The following SDK2 variants were observed in gnomAD, a reference collection of about 807,000 sequenced individuals.
SDK2 encodes sidekick cell adhesion molecule 2.
In SDK2, 105 loss-of-function variants were observed where a neutral mutation model predicts 253.9. The ratio of observed to expected loss-of-function variants is 0.41; its 90% CI spans 0.35 to 0.49. SDK2 has a LOEUF of 0.49. SDK2 is among the 20% of genes least tolerant of loss of function. The probability of loss-of-function intolerance (pLI) is 0.06; values close to 1 mark genes in which losing one functional copy is unlikely to be tolerated. For synonymous variants in SDK2, 1,249 were observed against 1,234.9 expected (o/e 1.01, Z -0.24); for missense variants, 2,608 against 3,003.0 (o/e 0.87, Z 3.07).
Position 73,414,686 on chromosome 17 carries a change from G to A in SDK2, c.2442C>T (p.Ala814=), listed in dbSNP as rs200296942. 19 of 1,613,980 alleles carry A rather than the reference G, an allele frequency of 1.2e-5. No individual in the cohort carries two copies. Among genetic ancestry groups the A allele is most frequent in the Admixed American group, 1.7e-5 (1 of 60,014 alleles). The change falls in exon 18 of 45, where the codon GCC becomes GCT. Residue 814 remains alanine (A), a synonymous_variant. Transcript: ENST00000392650. ...NSTTIRFTWN[A]PSPQFINGIN... ...TGCCGTTGATGAACTGGGGGCTGGGGGCGTTCCAGGTGAAGCGGATGGTCG... is the reference window on the plus strand; with the variant it reads ...TGCCGTTGATGAACTGGGGGCTGGGAGCGTTCCAGGTGAAGCGGATGGTCG...
intron 24 of SDK2, among the ~76,000 whole-genome samples, chr17:73,396,849 T>C (rs993007289): frequency 6.6e-6 from 1 of 152,182 alleles, no homozygotes; most frequent in African/African-American, 2.4e-5. Context: ...GAGGTGGGTA[T>C]AGTCACACTG....
chr17:73,398,745 C>T (rs1160217157), intron 22 of SDK2, among the ~76,000 whole-genome samples: 1 of 152,194 alleles, frequency 6.6e-6, no homozygotes, highest in Non-Finnish European at 1.5e-5. Context: ...TTTTAACAAG[C>T]AGCCCAGGTG....
At chr17:73,367,961 G>A (rs1394664094) in intron 37 of SDK2, among the ~76,000 whole-genome samples, 3 of 152,134 alleles carry the variant, frequency 2.0e-5, no homozygotes, top group East Asian at 3.9e-4. Flanking sequence ...TCTGTCCCCC[G>A]CACTAGGGTG....
intron 32 of SDK2, among the ~76,000 whole-genome samples, chr17:73,385,592 G>A (rs1005116525): frequency 6.6e-6 from 1 of 152,206 alleles, no homozygotes; most frequent in Non-Finnish European, 1.5e-5. Context: ...CTGCAGAAGA[G>A]GATGACAGCA....
At chr17:73,547,004 G>C (rs2044976357) in intron 1 of SDK2, among the ~76,000 whole-genome samples, 2 of 152,316 alleles carry the variant, frequency 1.3e-5, no homozygotes, top group South Asian at 4.1e-4. Context: ...CTTGACTCTG[G>C]AGCCAGGCAC....
chr17:73,640,268 G>T (rs984729094), intron 1 of SDK2, among the ~76,000 whole-genome samples: 52 of 151,712 alleles, frequency 3.4e-4, no homozygotes, highest in African/African-American at 1.2e-3. Flanking sequence ...GTGTGTGTGT[G>T]GGGGGGTCGA....
intron 1 of SDK2, among the ~76,000 whole-genome samples, chr17:73,564,835 A>C (rs1321966853): frequency 1.0e-5 from 1 of 97,710 alleles, no homozygotes; most frequent in African/African-American, 4.4e-5. Flanking sequence ...AAAAAAAAAC[A>C]AAAAACAAAA....
At chr17:73,374,159 ACTT>A (rs892021885) in intron 36 of SDK2, among the ~76,000 whole-genome samples, 4 of 144,278 alleles carry the variant, frequency 2.8e-5, no homozygotes, top group Non-Finnish European at 5.9e-5. Flanking sequence ...CAATTTGTAG[ACTT>A]CTTTTGTTCT....
chr17:73,591,230 A>G (rs1193343454), intron 1 of SDK2, among the ~76,000 whole-genome samples: 1 of 152,072 alleles, frequency 6.6e-6, no homozygotes, highest in Non-Finnish European at 1.5e-5. Context: ...AACTGTTTCT[A>G]TATGTAAGGC....
chr17:73,562,592 G>C (rs1042952882), intron 1 of SDK2, among the ~76,000 whole-genome samples: 1 of 152,132 alleles, frequency 6.6e-6, no homozygotes, highest in African/African-American at 2.4e-5. Context: ...AGGCGTGGGA[G>C]GGGGTTGGGA....
chr17:73,390,294 C>G lies in SDK2; in HGVS notation c.4185G>C (p.Glu1395Asp). Residue 1395 changes from glutamate to aspartate, a missense_variant, in exon 29 of 45, where the codon GAG (glutamate) becomes GAC (aspartate). Physicochemically the swap from Glu to Asp is conservative, Grantham distance 45. Around this residue, in one of 2 missense-constraint regions of SDK2, gnomAD observed 1,103 missense variants for 1,143.9 expected, o/e 0.96. Coordinates refer to ENST00000392650, the MANE Select transcript of SDK2 (RefSeq NM_001144952.2). ...EAAEALVVTT[E>D]KRDRPQPPSR... Reference sequence around the variant, plus strand: ...GCCCCCGTGGGCAGTCACCTCTCTTCTCGGTGGTCACCACCAAGGCCTCGG... The same window carrying G: ...GCCCCCGTGGGCAGTCACCTCTCTTGTCGGTGGTCACCACCAAGGCCTCGG... 1 of 1,582,162 alleles carries G rather than the reference C, an allele frequency of 6.3e-7. No individual in the cohort carries two copies. The highest frequency in any genetic ancestry group is 8.6e-7 in the Non-Finnish European group (1 of 1,167,890).
chr17:73,549,756 G>T (rs2045025241), intron 1 of SDK2, among the ~76,000 whole-genome samples: 1 of 152,180 alleles, frequency 6.6e-6, no homozygotes, highest in Admixed American at 6.5e-5. Context: ...GGGATGGGGG[G>T]CAGAGACAAG....
intron 1 of SDK2, among the ~76,000 whole-genome samples, chr17:73,626,700 A>G (rs1439609027): frequency 6.6e-6 from 1 of 152,214 alleles, no homozygotes; most frequent in Non-Finnish European, 1.5e-5. Flanking sequence ...TCTGGGATGG[A>G]GGCAGGACAG....
intron 16 of SDK2, among the ~76,000 whole-genome samples, chr17:73,418,301 C>T (rs898978894): frequency 4.6e-5 from 7 of 152,190 alleles, no homozygotes; most frequent in Admixed American, 2.0e-4. Flanking sequence ...ACACCACGCC[C>T]GGCCTGAAAG....
In SDK2 at chr17:73,455,850, A is replaced by G; in HGVS notation, c.479+56T>C. 6.7e-7 allele frequency: 1 copy of G among 1,491,986 alleles called. No homozygotes were observed. The highest frequency in any genetic ancestry group is 1.3e-5 in the South Asian group (1 of 78,750). 92.4% of individuals were successfully genotyped at this position (1,491,986 alleles called of 1,614,324 possible). ...TCAAGGGAGACTTTATCTGGCCCCA[A>G]ACCTCCTCCCCCAGACACCCCTCCC... On this transcript the variant is annotated intron_variant, in intron 4 of 44. Transcript: ENST00000392650. This position sits in a 1 kb window ranked among gnomAD's most constrained non-coding sequence, Gnocchi z 5.0.
Position 73,386,487 on chromosome 17 carries a change from C to T in SDK2, c.4456G>A (p.Glu1486Lys), listed in dbSNP as rs776770822. 1.7e-5 allele frequency: 26 copies of T among 1,562,184 alleles called. No individual in the cohort carries two copies. The East Asian group carries it at 1.9e-4, about 12-fold the overall frequency. ...VKATNDIGDS[E>K]FSEESESLTT... ...AGTGACTCCGACTCCTCGCTGAACTCGCTGTCGCCAATGTCATTGGTCGCC... is the reference window on the plus strand; with the variant it reads ...AGTGACTCCGACTCCTCGCTGAACTTGCTGTCGCCAATGTCATTGGTCGCC... Residue 1486 changes from glutamate (E) to lysine (K), a missense_variant, in exon 31 of 45, where the codon GAG (glutamate) becomes AAG (lysine). By Grantham distance (56) the Glu-to-Lys change is moderately conservative. Transcript: ENST00000392650.
chr17:73,391,611 G>A, intron 27 of SDK2, 73 bp from the exon 28 acceptor site: 1 of 780,724 alleles, frequency 1.3e-6, no homozygotes. Flanking sequence ...AGCTCGGGCA[G>A]AGCAGCCTGG....
At chr17:73,451,500 A>G (rs965609777) in intron 4 of SDK2, among the ~76,000 whole-genome samples, 4 of 152,164 alleles carry the variant, frequency 2.6e-5, no homozygotes, top group African/African-American at 4.8e-5. Context: ...GCGAAAATCC[A>G]TCTCAAAACA....
chr17:73,624,821 A>G (rs2046181080), intron 1 of SDK2, among the ~76,000 whole-genome samples: 1 of 152,152 alleles, frequency 6.6e-6, no homozygotes. Context: ...GGCCGTGGTG[A>G]TGTTGTTACT....
Sources: gnomAD v4.1 joint callset for allele counts (sites outside exome capture counted in the v4.1 genomes callset) on GRCh38, gnomAD v4.1.1 for gene constraint, gnomAD v4.1.1 regional missense constraint, Gnocchi (gnomAD v3.1) non-coding constraint, MANE v1.5 for transcripts, NCBI Gene and HGNC (gene_info 2026-07-23, HGNC 2026-07-21) for gene names.